PUDP: variants seen among roughly 807,000 people sequenced by gnomAD.
The protein encoded by PUDP is pseudouridine 5'-phosphatase, also known as pseudouridine-5'-phosphatase.
In PUDP, 8 loss-of-function variants were observed where a neutral mutation model predicts 9.4. The observed-to-expected ratio is 0.85, with a 90% CI of 0.50 to 1.53. The LOEUF (loss-of-function observed/expected upper bound fraction) is 1.53. PUDP is among the 40% of genes most tolerant of loss of function. PUDP has a pLI of 0.00. For missense variants in PUDP, 188 were observed against 189.7 expected, an observed-to-expected ratio of 0.99 and a Z score of 0.05; for synonymous variants, 99 against 80.7, an observed-to-expected ratio of 1.23 and a Z score of -1.22.
rs753836155 is a variant in PUDP at position 7,034,583 on chromosome X, A to G, written c.204+42637T>C. Among the ~76,000 whole-genome samples, 4 of 112,130 alleles carry G rather than the reference A, an allele frequency of 3.6e-5. No homozygotes were observed. The South Asian group carries it at 1.1e-3, about 32-fold the overall frequency. ...ATAATTTTAATTTTTACAAAAAACA[A>G]ATCTGTTCATCCATGCATCTATGTA... On this transcript the variant is annotated intron_variant and NMD_transcript_variant, in intron 1 of 3. Transcript: ENST00000655425.
At chrX:6,905,616 C>T (rs185856029) in intron 3 of PUDP, among the ~76,000 whole-genome samples, 2 of 111,300 alleles carry the variant, frequency 1.8e-5, no homozygotes, top group African/African-American at 3.3e-5. Flanking sequence ...ATCCAGTCAC[C>T]TTCCACTAGG....
At chrX:7,147,967 C>T in intron 1 of PUDP, 86 bp downstream of exon 1, 1 of 739,857 alleles carries the variant, frequency 1.4e-6, no homozygotes, top group East Asian at 4.4e-5. Flanking sequence ...CGCCGCGGCC[C>T]CCAGGCCGTG....
In PUDP at chrX:6,835,574, G is replaced by T. The variant is rs765691216; in HGVS notation, c.*248-129108C>A. On this transcript the variant is annotated intron_variant and NMD_transcript_variant, in intron 3 of 3. Transcript: ENST00000655425. ...AAAATATAATAAACAACAATGAAAA[G>T]ATTATTTCCTGAGAAATCTGACTCT... 2.2e-4 allele frequency among the ~76,000 whole-genome samples: 25 copies of T among 111,850 alleles called. 1 individual carries two copies. In the South Asian group the frequency reaches 9.0e-3, roughly 40 times the overall value.
chrX:6,953,485 CT>C (rs35278355), intron 3 of PUDP, among the ~76,000 whole-genome samples: 1 of 106,262 alleles, frequency 9.4e-6, no homozygotes, highest in Non-Finnish European at 1.9e-5. Context: ...TAATACACCA[CT>C]TTTTTTTTCA....
intron 3 of PUDP, among the ~76,000 whole-genome samples, chrX:6,809,170 T>G (rs897316360): frequency 2.7e-5 from 3 of 111,421 alleles, no homozygotes; most frequent in African/African-American, 9.8e-5. Context: ...AGCCAGGACC[T>G]TGGCATGTCT....
chrX:6,947,498 T>A (rs1928485962), intron 3 of PUDP, among the ~76,000 whole-genome samples: 1 of 112,584 alleles, frequency 8.9e-6, no homozygotes, highest in South Asian at 3.6e-4. Context: ...TTAAAAAATA[T>A]TAAGCTGTAT....
chrX:6,860,482 G>GTT lies in PUDP; in HGVS notation c.*247+116649_*247+116650dup, dbSNP rs1283657173. On this transcript the variant is annotated intron_variant and NMD_transcript_variant, in intron 3 of 3. Coordinates refer to the PUDP transcript ENST00000655425. The stretch of plus-strand genomic sequence containing the variant: ...TGTGGTTTTTTGTTTTTTGTTTTTT[G>GTT]TTTTTTGAGACAGAGTCTCACTCTG... Among the ~76,000 whole-genome samples, 402 of 102,454 alleles carry GTT rather than the reference G, an allele frequency of 3.9e-3. 3 individuals are homozygous for GTT. Among genetic ancestry groups the GTT allele is most frequent in the Non-Finnish European group, 6.3e-3 (321 of 50,846 alleles). 89.0% of individuals were successfully genotyped at this position (102,454 alleles called of 115,157 possible).
chrX:6,838,751 T>C (rs1400582353), intron 3 of PUDP, among the ~76,000 whole-genome samples: 1 of 112,039 alleles, frequency 8.9e-6, no homozygotes, highest in Non-Finnish European at 1.9e-5. Flanking sequence ...CTGGGGATTG[T>C]CTGTCTTTTG....
chrX:6,814,399 C>T (rs916212540), intron 3 of PUDP, among the ~76,000 whole-genome samples: 1 of 111,106 alleles, frequency 9.0e-6, no homozygotes. Flanking sequence ...TCTCCCAAAT[C>T]GCCACGAATG....
At position 6,970,838 on chromosome X, in the gene PUDP, T is replaced by C. The variant is rs985880202; in HGVS notation, c.*247+6295A>G. Among the ~76,000 whole-genome samples, 3 of 109,647 alleles carry C rather than the reference T, an allele frequency of 2.7e-5. No individual in the cohort carries two copies. The Admixed American group carries it at 2.9e-4, about 11-fold the overall frequency. ...CAGCACTTTGGGAGGCTGAGGTGGG[T>C]GGGAGTTTAGGAGTTCAAGACCAGC... is the stretch of plus-strand genomic sequence containing the variant. On this transcript the variant is annotated intron_variant and NMD_transcript_variant, in intron 3 of 3. Coordinates refer to the PUDP transcript ENST00000655425.
chrX:7,114,543 T>C (rs891262112), intron 1 of PUDP, among the ~76,000 whole-genome samples: 1 of 111,505 alleles, frequency 9.0e-6, no homozygotes, highest in African/African-American at 3.3e-5. Context: ...TACTGCCACA[T>C]TGGGGATTAA....
chrX:6,932,656 G>A (rs1385529391), intron 3 of PUDP, among the ~76,000 whole-genome samples: 1 of 111,973 alleles, frequency 8.9e-6, no homozygotes, highest in Non-Finnish European at 1.9e-5. Context: ...GCGAGCCGAA[G>A]CAGGGCGAGG....
At chrX:6,900,811 C>G (rs12387706) in intron 3 of PUDP, among the ~76,000 whole-genome samples, 21,878 of 107,052 alleles carry the variant, frequency 0.2, 1,920 homozygotes, top group Middle Eastern at 0.26. Context: ...CGGTGTCTAG[C>G]TCTGTTCCCA....
At chrX:6,775,763 C>T (rs1422396458) in intron 3 of PUDP, among the ~76,000 whole-genome samples, 1 of 110,620 alleles carries the variant, frequency 9.0e-6, no homozygotes, top group Non-Finnish European at 1.9e-5. Context: ...GAAAAAGGCC[C>T]CAGAGAGCTC....
At chrX:7,063,618 A>G (rs903797606) in intron 3 of PUDP, among the ~76,000 whole-genome samples, 2 of 111,379 alleles carry the variant, frequency 1.8e-5, no homozygotes, top group African/African-American at 3.3e-5. Flanking sequence ...CCAGATAATT[A>G]TGTTTTTTAA....
intron 3 of PUDP, among the ~76,000 whole-genome samples, chrX:6,734,540 A>T (rs941545358): frequency 1.7e-4 from 19 of 111,940 alleles, no homozygotes; most frequent in African/African-American, 6.2e-4. Flanking sequence ...TGGGAGGCCG[A>T]GGAGGAAGGA....
At chrX:7,117,192 T>C (rs1317554288) in intron 1 of PUDP, among the ~76,000 whole-genome samples, 2 of 111,864 alleles carry the variant, frequency 1.8e-5, no homozygotes, top group Non-Finnish European at 3.8e-5. Context: ...GACTTTGGAA[T>C]TGGGTAACAG....
chrX:6,858,335 C>CTTT (rs113300792), intron 3 of PUDP, among the ~76,000 whole-genome samples: 1 of 67,769 alleles, frequency 1.5e-5, no homozygotes, highest in African/African-American at 5.5e-5. Flanking sequence ...TTTTTTTTTT[C>CTTT]TTTTTTTTTT....
chrX:6,833,597 G>A (rs1010074841), intron 3 of PUDP, among the ~76,000 whole-genome samples: 3 of 111,725 alleles, frequency 2.7e-5, no homozygotes. Context: ...TTGGATGGAC[G>A]GATGTATGGA....
Sources: gnomAD v4.1 joint callset for allele counts (sites outside exome capture counted in the v4.1 genomes callset) on GRCh38, gnomAD v4.1.1 for gene constraint, MANE v1.5 for transcripts, NCBI Gene and HGNC (gene_info 2026-07-23, HGNC 2026-07-21) for gene names.